The following PANX1 variants were observed in gnomAD, a reference collection of about 807,000 sequenced individuals.
The protein encoded by PANX1 is pannexin-1.
Under a neutral mutation model 38.7 loss-of-function variants are expected in PANX1, and 30 were observed. That is an observed-to-expected ratio of 0.78 (90% CI 0.58 to 1.05). The LOEUF (loss-of-function observed/expected upper bound fraction) is 1.05, where lower values mean the gene tolerates loss of function less well. Among genes scored for constraint, PANX1 ranks in the 50% least tolerant of loss-of-function variants. The probability of loss-of-function intolerance (pLI) is 0.00; values close to 1 mark genes in which losing one functional copy is unlikely to be tolerated. For synonymous variants in PANX1, 230 were observed against 212.2 expected (o/e 1.08, Z -0.73); for missense variants, 551 against 517.2 (o/e 1.07, Z -0.63).
Position 94,179,901 on chromosome 11 carries a change from T to C in PANX1, c.845T>C (p.Val282Ala), listed in dbSNP as rs1481099184. 6.2e-7 allele frequency: 1 copy of C among 1,613,670 alleles called. No individual in the cohort carries two copies. The highest frequency in any genetic ancestry group is 8.5e-7 in the Non-Finnish European group (1 of 1,179,698). ...CAGTTGCTCAGTGTCATTAACCTTG[T>C]GGTTTATGTCCTGCTGGCTCCCGTG... ...IFQLLSVINL[V>A]VYVLLAPVVV... Residue 282 changes from valine to alanine, a missense_variant, in exon 4 of 5, where the codon GTG (valine) becomes GCG (alanine). Coordinates refer to ENST00000227638, the MANE Select transcript of PANX1 (RefSeq NM_015368.4).
intron 2 of PANX1, among the ~76,000 whole-genome samples, chr11:94,160,172 G>T (rs1348915237): frequency 6.6e-6 from 1 of 152,160 alleles, no homozygotes; most frequent in Non-Finnish European, 1.5e-5. Context: ...TGGAATAAGT[G>T]CAGTGTGGTG....
Position 94,154,805 on chromosome 11 carries a change from T to C in PANX1, c.321+1175T>C, listed in dbSNP as rs184245802. Among the ~76,000 whole-genome samples the C allele has an allele frequency of 3.3e-3, 496 of 152,362 alleles. 4 individuals carry two copies. Among genetic ancestry groups the C allele is most frequent in the African/African-American group, 0.011 (459 of 41,588 alleles). On this transcript the variant is annotated intron_variant, in intron 2 of 4. Transcript: ENST00000227638. ...CTTACCAATAACATAAACAGTCAAT[T>C]AACACATATTTTATATGCTATATGT...
rs116865669 is a variant in PANX1, at chr11:94,175,338, A to G, written c.322-3031A>G. 4.7e-3 allele frequency among the ~76,000 whole-genome samples: 707 copies of G among 151,840 alleles called. 5 individuals are homozygous for G. Among genetic ancestry groups the G allele is most frequent in the Non-Finnish European group, 7.6e-3 (515 of 68,010 alleles). On this transcript the variant is annotated intron_variant, in intron 2 of 4. Coordinates refer to ENST00000227638, the MANE Select transcript of PANX1 (RefSeq NM_015368.4). ...ATTAAATGATGTTATTATAGTGGTGATCAAGGTACAAGGCTATTTTAGGGA... is the reference window on the plus strand; with the variant it reads ...ATTAAATGATGTTATTATAGTGGTGGTCAAGGTACAAGGCTATTTTAGGGA...
chr11:94,165,333 T>C (rs1237772203), intron 2 of PANX1, among the ~76,000 whole-genome samples: 3 of 151,068 alleles, frequency 2.0e-5, no homozygotes, highest in African/African-American at 7.2e-5. Context: ...TTTTATTTAT[T>C]TTTTTTAATT....
intron 3 of PANX1, among the ~76,000 whole-genome samples, chr11:94,179,049 GAAT>G (rs1169027102): frequency 6.6e-6 from 1 of 152,054 alleles, no homozygotes; most frequent in Non-Finnish European, 1.5e-5. Context: ...TGAATAATTG[GAAT>G]AATAATAAGA....
chr11:94,153,900 A>G (rs529997861), intron 2 of PANX1, among the ~76,000 whole-genome samples: 1 of 152,294 alleles, frequency 6.6e-6, no homozygotes, highest in African/African-American at 2.4e-5. Context: ...CCTTTATATC[A>G]TAATGCCCAG....
At position 94,129,206 on chromosome 11, in the gene PANX1, G is replaced by A. The variant is rs1238032617; in HGVS notation, c.-107G>A. ...GGCGGGATGCGGGAGCAGGCAAAGGGAAAGCGAAAGCCGCGCGCCCGGCCG... is the reference window on the plus strand; with the variant it reads ...GGCGGGATGCGGGAGCAGGCAAAGGAAAAGCGAAAGCCGCGCGCCCGGCCG... On this transcript the variant is annotated 5_prime_UTR_variant, in exon 1 of 5. Coordinates refer to ENST00000227638, the MANE Select transcript of PANX1 (RefSeq NM_015368.4). 4.3e-6 allele frequency: 4 copies of A among 927,938 alleles called. No individual in the cohort carries two copies. Among genetic ancestry groups the A allele is most frequent in the Non-Finnish European group, 1.6e-6 (1 of 625,080 alleles). 57.5% of individuals were successfully genotyped at this position (927,938 alleles called of 1,614,324 possible).
chr11:94,155,718 A>T (rs894911292), intron 2 of PANX1, among the ~76,000 whole-genome samples: 21 of 152,104 alleles, frequency 1.4e-4, no homozygotes, highest in African/African-American at 4.3e-4. Context: ...AAAGCCCCAT[A>T]AAAGTGGGCC....
At chr11:94,175,560 G>A (rs1486175314) in intron 2 of PANX1, among the ~76,000 whole-genome samples, 3 of 151,704 alleles carry the variant, frequency 2.0e-5, no homozygotes, top group South Asian at 2.1e-4. Flanking sequence ...TGAAACAAAA[G>A]TGACTTATAC....
chr11:94,150,734 T>C (rs1946874412), intron 1 of PANX1, among the ~76,000 whole-genome samples: 1 of 152,182 alleles, frequency 6.6e-6, no homozygotes, highest in African/African-American at 2.4e-5. Context: ...CTTGACATCC[T>C]TGACTTGGTT....
rs144314260 is a variant in PANX1, at chr11:94,134,103, C to T, written c.181+4610C>T. On this transcript the variant is annotated intron_variant, in intron 1 of 4. Transcript: ENST00000227638. Reference sequence around the variant, plus strand: ...TGATTTATAAGCTCAGGTTATATTGCGTGTGCCTCAGATTCTTTTTTATGT... The same window carrying T: ...TGATTTATAAGCTCAGGTTATATTGTGTGTGCCTCAGATTCTTTTTTATGT... 1.0e-3 allele frequency among the ~76,000 whole-genome samples: 155 copies of T among 152,286 alleles called. 1 individual carries two copies. The highest frequency in any genetic ancestry group is 3.5e-3 in the African/African-American group (146 of 41,552).
In PANX1 at chr11:94,129,460, A is replaced by C; in HGVS notation, c.148A>C (p.Ile50Leu). Residue 50 changes from isoleucine to leucine, a missense_variant, in exon 1 of 5, where the codon ATC becomes CTC. By Grantham distance (5) the Ile-to-Leu change is conservative. Coordinates refer to ENST00000227638, the MANE Select transcript of PANX1 (RefSeq NM_015368.4). The part of the protein sequence containing the change: ...CIAVGLPLLL[I>L]SLAFAQEISI... ...TGCGGTGGGGCTGCCCCTGCTGCTC[A>C]TCTCGCTGGCCTTCGCGCAGGAGAT... 1 of 1,613,246 alleles carries C rather than the reference A, an allele frequency of 6.2e-7. No homozygotes were observed. Among genetic ancestry groups the C allele is most frequent in the African/African-American group, 1.3e-5 (1 of 75,018 alleles).
intron 2 of PANX1, among the ~76,000 whole-genome samples, chr11:94,163,706 T>C (rs1947073058): frequency 6.6e-6 from 1 of 152,206 alleles, no homozygotes; most frequent in South Asian, 2.1e-4. Context: ...CTGATTTTGG[T>C]GTCATGGTTA....
At chr11:94,167,198 A>G (rs888070316) in intron 2 of PANX1, among the ~76,000 whole-genome samples, 1 of 152,088 alleles carries the variant, frequency 6.6e-6, no homozygotes, top group African/African-American at 2.4e-5. Context: ...CTTCAAGCAC[A>G]CGGATTCTTC....
Position 94,178,380 on chromosome 11 carries a change from C to T in PANX1, c.333C>T (p.Tyr111=), listed in dbSNP as rs755671471. ...CTCTTGTTTTTCAGTTTTTCCCCTA[C>T]ATCCTGCTGCTCTTTGCGATCCTCC... The part of the protein sequence containing the change: ...LPLWLHKFFP[Y]ILLLFAILLY... The change falls in exon 3 of 5, where the codon TAC becomes TAT. Residue 111 remains tyrosine (Y), a synonymous_variant. Coordinates refer to ENST00000227638, the MANE Select transcript of PANX1 (RefSeq NM_015368.4). 4 of 1,613,862 alleles carry T rather than the reference C, an allele frequency of 2.5e-6. No individual in the cohort carries two copies. Among genetic ancestry groups the T allele is most frequent in the Non-Finnish European group, 3.4e-6 (4 of 1,179,782 alleles).
At chr11:94,178,778 G>A (rs529329022) in intron 3 of PANX1, among the ~76,000 whole-genome samples, 186 bp downstream of exon 3, 3 of 152,174 alleles carry the variant, frequency 2.0e-5, no homozygotes, top group South Asian at 2.1e-4. Flanking sequence ...ATCTCACCGC[G>A]ACCCATCCTA....
intron 2 of PANX1, among the ~76,000 whole-genome samples, chr11:94,167,617 T>C (rs1400566794): frequency 6.6e-6 from 1 of 152,240 alleles, no homozygotes; most frequent in African/African-American, 2.4e-5. Context: ...TAACTAATCA[T>C]TAATCATATA....
At chr11:94,159,289 C>T (rs1946991753) in intron 2 of PANX1, among the ~76,000 whole-genome samples, 1 of 152,112 alleles carries the variant, frequency 6.6e-6, no homozygotes, top group African/African-American at 2.4e-5. Flanking sequence ...GGAGGATTCC[C>T]TCTTTTTCTA....
rs753146841 is a variant in PANX1, at chr11:94,129,460, A to G, written c.148A>G (p.Ile50Val). Residue 50 changes from isoleucine (I) to valine (V), a missense_variant, in exon 1 of 5, where the codon ATC becomes GTC. Coordinates refer to ENST00000227638, the MANE Select transcript of PANX1 (RefSeq NM_015368.4). Reference protein sequence around the residue: ...CIAVGLPLLLISLAFAQEISI... With the variant: ...CIAVGLPLLLVSLAFAQEISI... ...TGCGGTGGGGCTGCCCCTGCTGCTCATCTCGCTGGCCTTCGCGCAGGAGAT... is the reference window on the plus strand; with the variant it reads ...TGCGGTGGGGCTGCCCCTGCTGCTCGTCTCGCTGGCCTTCGCGCAGGAGAT... 1.9e-6 allele frequency: 3 copies of G among 1,613,128 alleles called. No individual in the cohort carries two copies. Among genetic ancestry groups the G allele is most frequent in the Admixed American group, 1.7e-5 (1 of 59,940 alleles).
Sources: gnomAD v4.1 joint callset for allele counts (sites outside exome capture counted in the v4.1 genomes callset) on GRCh38, gnomAD v4.1.1 for gene constraint, MANE v1.5 for transcripts, NCBI Gene and HGNC (gene_info 2026-07-23, HGNC 2026-07-21) for gene names.